Variants in SLC71A1 observed in about 807,000 individuals in gnomAD.
SLC71A1 encodes hippocampus abundant gene transcript 1.
the SLC71A1 span, among the ~76,000 whole-genome samples, chr1:100,050,488 G>A: frequency 3.9e-5 from 6 of 152,148 alleles, no homozygotes; most frequent in African/African-American, 7.2e-5. Context: ...CTCCCTGCCC[G>A]ACCAAACAAC....
the SLC71A1 span, chr1:100,069,624 T>C: frequency 6.2e-7 from 1 of 1,609,754 alleles, no homozygotes; most frequent in Non-Finnish European, 8.5e-7. Flanking sequence ...ATAATGAAAT[T>C]TTCACCAGAA....
chr1:100,068,283 A>T, the SLC71A1 span: 2 of 1,111,432 alleles, frequency 1.8e-6, no homozygotes, highest in African/African-American at 3.1e-5. Context: ...TTCTTTAGGG[A>T]AAACATCTTG....
the SLC71A1 span, among the ~76,000 whole-genome samples, chr1:100,067,799 G>T: frequency 3.9e-5 from 6 of 152,102 alleles, no homozygotes; most frequent in Non-Finnish European, 5.9e-5. Context: ...GACAGAGCAA[G>T]ACCCAGTTCC....
chr1:100,080,687 G>C, the SLC71A1 span: 1 of 1,597,358 alleles, frequency 6.3e-7, no homozygotes, highest in Non-Finnish European at 8.6e-7. Flanking sequence ...TGATCAAATT[G>C]TATGGTTCAT....
the SLC71A1 span, chr1:100,082,409 A>G: frequency 4.5e-5 from 26 of 571,760 alleles, no homozygotes; most frequent in Admixed American, 1.6e-4. Context: ...TTCTTTTGAA[A>G]AACCTTTTGT....
At chr1:100,071,289 C>CAAAAAAAAAAAAAAAAAAAAAAA in the SLC71A1 span, among the ~76,000 whole-genome samples, 10 of 53,388 alleles carry the variant, frequency 1.9e-4, 1 homozygote, top group Non-Finnish European at 2.4e-4. Context: ...CCATCTCTAC[C>CAAAAAAAAAAAAAAAAAAAAAAA]AAAAAAAAAA....
chr1:100,068,812 A>G, the SLC71A1 span, among the ~76,000 whole-genome samples: 6 of 152,034 alleles, frequency 3.9e-5, no homozygotes, highest in South Asian at 2.1e-4. Flanking sequence ...GCAAAATCCT[A>G]TGCTTACTAA....
At chr1:100,069,517 TGGCCCA>T in the SLC71A1 span, 2 of 711,416 alleles carry the variant, frequency 2.8e-6, no homozygotes, top group Admixed American at 2.4e-5. Flanking sequence ...TATTTTTTTC[TGGCCCA>T]TTAAATGTTA....
chr1:100,053,203 T>G, the SLC71A1 span, among the ~76,000 whole-genome samples: 1 of 152,228 alleles, frequency 6.6e-6, no homozygotes, highest in Non-Finnish European at 1.5e-5. Flanking sequence ...CAAGGCTTTT[T>G]GCTTACAAAT....
At chr1:100,066,711 C>T in the SLC71A1 span, among the ~76,000 whole-genome samples, 2 of 152,012 alleles carry the variant, frequency 1.3e-5, no homozygotes, top group African/African-American at 4.8e-5. Flanking sequence ...TTAAATAGGC[C>T]GGGCATGGTG....
the SLC71A1 span, chr1:100,038,247 G>A: frequency 9.0e-6 from 14 of 1,559,050 alleles, no homozygotes; most frequent in South Asian, 1.2e-5. Context: ...CCCAGGGGAA[G>A]AAGAAGAAAC....
At chr1:100,049,918 A>T in the SLC71A1 span, 1 of 1,588,776 alleles carries the variant, frequency 6.3e-7, no homozygotes, top group Non-Finnish European at 8.6e-7. Context: ...GCCTCAAGGA[A>T]TAGGTTCTCC....
the SLC71A1 span, chr1:100,060,083 C>A: frequency 7.5e-7 from 1 of 1,328,324 alleles, no homozygotes; most frequent in Non-Finnish European, 1.0e-6. Flanking sequence ...ATTTCTTTCA[C>A]TTGTGCCATC....
At chr1:100,039,172 A>T in the SLC71A1 span, among the ~76,000 whole-genome samples, 1 of 152,156 alleles carries the variant, frequency 6.6e-6, no homozygotes. Flanking sequence ...TTATGCTAAC[A>T]TTTCTCCGTT....
the SLC71A1 span, among the ~76,000 whole-genome samples, chr1:100,056,631 A>G: frequency 5.3e-5 from 8 of 152,320 alleles, no homozygotes; most frequent in South Asian, 2.1e-4. Context: ...AAAAAGGAAT[A>G]GTGCTGCAGT....
the SLC71A1 span, chr1:100,043,060 G>C: frequency 1.0e-6 from 1 of 956,066 alleles, no homozygotes; most frequent in Non-Finnish European, 1.2e-6. Flanking sequence ...TTAATATGCA[G>C]TTTTTTTTTC....
chr1:100,046,128 T>C, the SLC71A1 span, among the ~76,000 whole-genome samples: 1 of 152,068 alleles, frequency 6.6e-6, no homozygotes, highest in African/African-American at 2.4e-5. Flanking sequence ...TATGTATCTG[T>C]TTTTATACCA....
the SLC71A1 span, among the ~76,000 whole-genome samples, chr1:100,057,674 C>A: frequency 1.3e-5 from 2 of 152,070 alleles, no homozygotes; most frequent in Non-Finnish European, 2.9e-5. Flanking sequence ...TTTTTACTTA[C>A]AATGAGCACA....
the SLC71A1 span, chr1:100,081,908 C>A: frequency 1.1e-6 from 1 of 914,942 alleles, no homozygotes; most frequent in Non-Finnish European, 1.7e-6. Flanking sequence ...GAGCAATTAG[C>A]TTGTAATTCA....
Sources: gnomAD v4.1 joint callset for allele counts (sites outside exome capture counted in the v4.1 genomes callset) on GRCh38, gnomAD v4.1.1 for gene constraint, MANE v1.5 for transcripts, NCBI Gene and HGNC (gene_info 2026-07-23, HGNC 2026-07-21) for gene names.